Variants in VPS13A observed in about 807,000 individuals in gnomAD.
The protein encoded by VPS13A is intermembrane lipid transfer protein VPS13A.
A neutral mutation model predicts 390.9 loss-of-function variants in VPS13A; 264 were observed. That is an observed-to-expected ratio of 0.68 (90% confidence interval 0.61 to 0.75). VPS13A has a LOEUF of 0.75. VPS13A is among the 30% of genes least tolerant of loss of function. The pLI, the probability that VPS13A is intolerant of heterozygous loss-of-function variation, is 0.00. For synonymous variants in VPS13A, 1,231 were observed against 1,227.1 expected, an observed-to-expected ratio of 1.00 and a Z score of -0.07; for missense variants, 3,409 against 3,733.9, an observed-to-expected ratio of 0.91 and a Z score of 2.27.
intron 44 of VPS13A, among the ~76,000 whole-genome samples, chr9:77,322,126 C>T (rs1829782314): frequency 6.6e-6 from 1 of 150,572 alleles, no homozygotes; most frequent in African/African-American, 2.5e-5. Flanking sequence ...ACCAGTTTTG[C>T]AACTGAAAGA....
Position 77,412,319 on chromosome 9 carries a change from G to T in VPS13A, c.9475-3637G>T, listed in dbSNP as rs554812346. Among the ~76,000 whole-genome samples, 315 of 152,292 alleles carry T rather than the reference G, an allele frequency of 2.1e-3. 2 individuals carry two copies. Among genetic ancestry groups the T allele is most frequent in the African/African-American group, 7.2e-3 (299 of 41,556 alleles). On this transcript the variant is annotated intron_variant, in intron 71 of 71. Coordinates refer to ENST00000360280, the MANE Select transcript of VPS13A (RefSeq NM_033305.3). ...AAGAGAATTTTAGACCAATATCCCT[G>T]ATGAACATTGATGCAAAAATCCTCA...
chr9:77,227,327 GAT>G, intron 15 of VPS13A, 62 bp from the exon 16 acceptor site: 1 of 1,149,668 alleles, frequency 8.7e-7, no homozygotes, highest in Non-Finnish European at 1.3e-6. Context: ...ATTAAAGGCA[GAT>G]ACATTGTGTT....
rs144458583 is a variant in VPS13A, at chr9:77,179,646, C to T, written c.100+1842C>T. On this transcript the variant is annotated intron_variant, in intron 1 of 71. Coordinates refer to ENST00000360280, the MANE Select transcript of VPS13A (RefSeq NM_033305.3). Reference sequence around the variant, plus strand: ...TTGTGTGAACATAATTGTTATTTCTCTTGGATAAATACCTAAGAGTGGTTT... The same window carrying T: ...TTGTGTGAACATAATTGTTATTTCTTTTGGATAAATACCTAAGAGTGGTTT... Among the ~76,000 whole-genome samples the T allele has an allele frequency of 3.7e-3, 556 of 148,268 alleles. 2 individuals carry two copies. Among genetic ancestry groups the T allele is most frequent in the African/African-American group, 0.013 (519 of 40,294 alleles).
At chr9:77,226,807 A>G (rs1290730562) in intron 15 of VPS13A, among the ~76,000 whole-genome samples, 2 of 152,142 alleles carry the variant, frequency 1.3e-5, no homozygotes, top group Non-Finnish European at 2.9e-5. Flanking sequence ...GCTTACAAAA[A>G]GAGCTTTATG....
intron 68 of VPS13A, among the ~76,000 whole-genome samples, chr9:77,386,165 A>G (rs1005857216): frequency 8.5e-5 from 13 of 152,204 alleles, no homozygotes; most frequent in African/African-American, 3.1e-4. Flanking sequence ...TCATTGCTTT[A>G]TTGGAAACCA....
chr9:77,369,035 G>A (rs1308101317), intron 62 of VPS13A, among the ~76,000 whole-genome samples: 1 of 152,166 alleles, frequency 6.6e-6, no homozygotes, highest in African/African-American at 2.4e-5. Context: ...GGAGGAGGAG[G>A]CACAATAATT....
At chr9:77,223,564 G>A (rs1823340672) in intron 13 of VPS13A, among the ~76,000 whole-genome samples, 1 of 152,150 alleles carries the variant, frequency 6.6e-6, no homozygotes, top group Admixed American at 6.5e-5. Flanking sequence ...GATGAAATCA[G>A]CTACAGCATT....
intron 20 of VPS13A, among the ~76,000 whole-genome samples, chr9:77,247,879 G>A (rs1255597315): frequency 6.6e-6 from 1 of 152,084 alleles, no homozygotes; most frequent in Non-Finnish European, 1.5e-5. Flanking sequence ...GACTGGTCTC[G>A]AATGCCTGTA....
At chr9:77,281,458 AAAAG>A (rs556702462) in intron 27 of VPS13A, among the ~76,000 whole-genome samples, 26 of 152,148 alleles carry the variant, frequency 1.7e-4, no homozygotes, top group African/African-American at 5.8e-4. Flanking sequence ...TTTAAAAAGA[AAAAG>A]AAAACACAGA....
chr9:77,208,233 A>G (rs939716159), intron 5 of VPS13A, among the ~76,000 whole-genome samples: 5 of 152,156 alleles, frequency 3.3e-5, no homozygotes, highest in South Asian at 4.1e-4. Context: ...ACTTAATTCT[A>G]TAATCTATTT....
intron 33 of VPS13A, 137 bp downstream of exon 33, chr9:77,295,983 T>G (rs2131376949): frequency 2.1e-6 from 2 of 965,974 alleles, no homozygotes; most frequent in Non-Finnish European, 3.0e-6. Flanking sequence ...CTCTCTTCCT[T>G]AAGTATATTT....
Position 77,366,607 on chromosome 9 carries a change from C to A in VPS13A, c.8326-120C>A, listed in dbSNP as rs1832443439. The stretch of plus-strand genomic sequence containing the variant: ...TCTACTTAGTGATTTTAACATAATC[C>A]AGATAACTTTGAAATCTTATTTATG... On this transcript the variant is annotated intron_variant, in intron 60 of 71. Transcript: ENST00000360280. 4 of 835,724 alleles carry A rather than the reference C, an allele frequency of 4.8e-6. No individual in the cohort carries two copies. In the Admixed American group the frequency reaches 7.7e-5, roughly 16 times the overall value. 51.8% of individuals were successfully genotyped at this position (835,724 alleles called of 1,614,324 possible).
Position 77,275,480 on chromosome 9 carries a change from A to G in VPS13A, c.2513-18A>G. On this transcript the variant is annotated intron_variant, in intron 24 of 71. Coordinates refer to ENST00000360280, the MANE Select transcript of VPS13A (RefSeq NM_033305.3). Reference sequence around the variant, plus strand: ...ATCATTTTAATTATTGACTTAAATAATGTTCTGTGAAATGTAGATTCAGAG... The same window carrying G: ...ATCATTTTAATTATTGACTTAAATAGTGTTCTGTGAAATGTAGATTCAGAG... 2 of 1,611,184 alleles carry G rather than the reference A, an allele frequency of 1.2e-6. No individual in the cohort carries two copies. Among genetic ancestry groups the G allele is most frequent in the South Asian group, 1.1e-5 (1 of 90,996 alleles).
At chr9:77,199,379 G>A (rs1460664357) in intron 1 of VPS13A, among the ~76,000 whole-genome samples, 1 of 151,854 alleles carries the variant, frequency 6.6e-6, no homozygotes, top group Non-Finnish European at 1.5e-5. Flanking sequence ...GTTACGATGG[G>A]GTTACATGTA....
intron 68 of VPS13A, among the ~76,000 whole-genome samples, chr9:77,390,877 G>A (rs2131628704): frequency 6.6e-6 from 1 of 152,018 alleles, no homozygotes; most frequent in East Asian, 1.9e-4. Context: ...ACTTAAATGA[G>A]ACTAATTTGA....
intron 33 of VPS13A, among the ~76,000 whole-genome samples, chr9:77,302,529 C>T (rs546996984): frequency 2.6e-5 from 4 of 151,678 alleles, no homozygotes; most frequent in South Asian, 2.1e-4. Flanking sequence ...CATGCCACCA[C>T]GGCCAGCTAA....
At chr9:77,185,531 A>G (rs1436277993) in intron 1 of VPS13A, among the ~76,000 whole-genome samples, 1 of 152,106 alleles carries the variant, frequency 6.6e-6, no homozygotes, top group Non-Finnish European at 1.5e-5. Flanking sequence ...TTGGGGGAAA[A>G]ACTTCACATA....
intron 68 of VPS13A, among the ~76,000 whole-genome samples, chr9:77,390,594 T>C (rs914336966): frequency 1.3e-5 from 2 of 152,110 alleles, no homozygotes; most frequent in African/African-American, 4.8e-5. Context: ...GTTTTTTCTT[T>C]CATCTCAAGT....
At position 77,228,171 on chromosome 9, in the gene VPS13A, T is replaced by C; in HGVS notation, c.1502T>C (p.Leu501Pro). The change falls in exon 17 of 72, where the codon CTA becomes CCA. Residue 501 changes from leucine (L) to proline (P), a missense_variant. By Grantham distance (98) the Leu-to-Pro change is moderately conservative. This residue lies in a region of VPS13A where 2,717 missense variants were observed against 2,917.4 expected (regional missense o/e 0.93). Coordinates refer to ENST00000360280, the MANE Select transcript of VPS13A (RefSeq NM_033305.3). ...FVHLKSMSIV[L>P]RENHQKPELV... ...CACTTGAAAAGTATGTCTATTGTTC[T>C]AAGAGAAAATCATCAAAAACCTGAG... 1.2e-6 allele frequency: 2 copies of C among 1,604,166 alleles called. No homozygotes were observed. The highest frequency in any genetic ancestry group is 1.7e-6 in the Non-Finnish European group (2 of 1,174,954).
Sources: allele counts gnomAD v4.1 joint callset (sites outside exome capture counted in the v4.1 genomes callset), GRCh38; gene constraint gnomAD v4.1.1; regional missense constraint gnomAD v4.1.1; transcripts MANE v1.5; gene names NCBI Gene and HGNC (gene_info 2026-07-23, HGNC 2026-07-21).